The following HPSE2 variants were observed in gnomAD, a reference collection of about 807,000 sequenced individuals.
HPSE2 encodes inactive heparanase-2.
In HPSE2, 38 loss-of-function variants were observed where a neutral mutation model predicts 60.5. The observed-to-expected ratio is 0.63, with a 90% CI of 0.48 to 0.82. The LOEUF (loss-of-function observed/expected upper bound fraction) is 0.82. Ranked by LOEUF, HPSE2 falls within the 40% of genes least tolerant of loss-of-function variation. The probability of loss-of-function intolerance (pLI) is 0.00; values close to 1 mark genes in which losing one functional copy is unlikely to be tolerated. For synonymous variants in HPSE2, 295 were observed against 293.2 expected (o/e 1.01, Z -0.06); for missense variants, 713 against 740.4 (o/e 0.96, Z 0.43).
intron 3 of HPSE2, among the ~76,000 whole-genome samples, chr10:98,826,494 C>T (rs1163980540): frequency 6.6e-6 from 1 of 152,122 alleles, no homozygotes; most frequent in Non-Finnish European, 1.5e-5. Context: ...TATATATCTC[C>T]TGTCCTTGAA....
chr10:98,835,536 A>G (rs1001248182), intron 3 of HPSE2, among the ~76,000 whole-genome samples: 3 of 152,184 alleles, frequency 2.0e-5, no homozygotes, highest in African/African-American at 4.8e-5. Context: ...GATTTAAAAA[A>G]TTCTCTTGAC....
At chr10:98,812,440 A>C (rs552776336) in intron 3 of HPSE2, among the ~76,000 whole-genome samples, 11 of 152,134 alleles carry the variant, frequency 7.2e-5, no homozygotes, top group Non-Finnish European at 1.6e-4. Context: ...TGAGACTTCA[A>C]CCATTTTAGC....
At chr10:98,815,370 G>T (rs1185249665) in intron 3 of HPSE2, among the ~76,000 whole-genome samples, 1 of 152,198 alleles carries the variant, frequency 6.6e-6, no homozygotes, top group African/African-American at 2.4e-5. Context: ...CCTAATTGAG[G>T]TTAGCTGTCT....
intron 2 of HPSE2, among the ~76,000 whole-genome samples, chr10:99,202,136 A>C (rs1848595713): frequency 6.6e-6 from 1 of 152,268 alleles, no homozygotes; most frequent in Non-Finnish European, 1.5e-5. Context: ...GATATAGATA[A>C]TATAGATATA....
At chr10:98,833,910 T>C (rs925877910) in intron 3 of HPSE2, among the ~76,000 whole-genome samples, 2 of 152,124 alleles carry the variant, frequency 1.3e-5, no homozygotes, top group African/African-American at 4.8e-5. Flanking sequence ...GAAGGAGGTA[T>C]GCCTAACATG....
chr10:98,693,695 T>C (rs539976833), intron 6 of HPSE2, among the ~76,000 whole-genome samples: 74 of 152,346 alleles, frequency 4.9e-4, no homozygotes, highest in African/African-American at 1.6e-3. Context: ...GTTGTTTTCT[T>C]AAATTTTTCT....
chr10:99,163,128 A>G (rs1846911313), intron 2 of HPSE2, among the ~76,000 whole-genome samples: 1 of 151,752 alleles, frequency 6.6e-6, no homozygotes, highest in Non-Finnish European at 1.5e-5. Flanking sequence ...GGAGAATGGC[A>G]TGAACCCAGG....
intron 6 of HPSE2, among the ~76,000 whole-genome samples, chr10:98,659,780 T>C (rs1947175726): frequency 1.3e-5 from 2 of 152,020 alleles, no homozygotes; most frequent in Admixed American, 1.3e-4. Context: ...TTTGAACAAA[T>C]TTCCACATGA....
chr10:98,835,904 A>G (rs1322516412), intron 3 of HPSE2, among the ~76,000 whole-genome samples: 2 of 152,142 alleles, frequency 1.3e-5, no homozygotes, highest in Non-Finnish European at 2.9e-5. Context: ...TAGACCCCCA[A>G]CAAATCAAAC....
intron 2 of HPSE2, among the ~76,000 whole-genome samples, chr10:99,192,962 GGTAATA>G (rs1338797783): frequency 6.6e-6 from 1 of 152,042 alleles, no homozygotes; most frequent in East Asian, 1.9e-4. Flanking sequence ...AAAACTCACT[GGTAATA>G]GTAAGTGTGC....
At chr10:98,861,380 T>C (rs1405992944) in intron 3 of HPSE2, among the ~76,000 whole-genome samples, 2 of 152,158 alleles carry the variant, frequency 1.3e-5, no homozygotes, top group African/African-American at 2.4e-5. Flanking sequence ...CAAATTATAA[T>C]ATAAAATCAA....
In HPSE2 at chr10:98,623,521, G is replaced by A. The variant is rs74154336; in HGVS notation, c.1099-2813C>T. Reference sequence around the variant, plus strand: ...GAATTATATCTCAGTAAATAAATACGTGTAAAAGAACACATTAACAAAAGG... The same window carrying A: ...GAATTATATCTCAGTAAATAAATACATGTAAAAGAACACATTAACAAAAGG... On this transcript the variant is annotated intron_variant, in intron 7 of 11. Transcript: ENST00000370552. Among the ~76,000 whole-genome samples, 329 of 152,164 alleles carry A rather than the reference G, an allele frequency of 2.2e-3. 3 individuals are homozygous for A. The highest frequency in any genetic ancestry group is 7.5e-3 in the African/African-American group (313 of 41,534).
intron 6 of HPSE2, among the ~76,000 whole-genome samples, chr10:98,690,441 T>C (rs1173489542): frequency 1.3e-5 from 2 of 152,122 alleles, no homozygotes; most frequent in African/African-American, 4.8e-5. Context: ...CTCGGGAGGC[T>C]GAGGCAGGAG....
At chr10:98,818,332 C>T (rs926144947) in intron 3 of HPSE2, among the ~76,000 whole-genome samples, 1 of 152,128 alleles carries the variant, frequency 6.6e-6, no homozygotes, top group Non-Finnish European at 1.5e-5. Context: ...TGTTCCACCT[C>T]CAATCGGTAG....
At chr10:99,002,294 T>C (rs1185706100) in intron 3 of HPSE2, among the ~76,000 whole-genome samples, 3 of 152,126 alleles carry the variant, frequency 2.0e-5, no homozygotes, top group African/African-American at 4.8e-5. Context: ...TCCATCCTCA[T>C]GGAGGTGGAG....
chr10:98,526,675 G>A (rs1366378183), intron 9 of HPSE2, among the ~76,000 whole-genome samples: 3 of 152,178 alleles, frequency 2.0e-5, no homozygotes, highest in Non-Finnish European at 4.4e-5. Flanking sequence ...ATGGGACGAA[G>A]GACGGGTTAG....
intron 6 of HPSE2, among the ~76,000 whole-genome samples, chr10:98,652,077 A>G (rs762042966): frequency 6.6e-6 from 1 of 152,158 alleles, no homozygotes; most frequent in Non-Finnish European, 1.5e-5. Flanking sequence ...GGCCAGAAAT[A>G]GTTCCATTTT....
chr10:98,745,795 G>C (rs17110771), intron 3 of HPSE2, among the ~76,000 whole-genome samples: 4,396 of 152,238 alleles, frequency 0.029, 140 homozygotes, highest in African/African-American at 0.077. Context: ...AGCCGTTAAA[G>C]CTAATGCAGA....
At chr10:98,614,495 T>C (rs1208255772) in intron 9 of HPSE2, among the ~76,000 whole-genome samples, 1 of 152,024 alleles carries the variant, frequency 6.6e-6, no homozygotes, top group African/African-American at 2.4e-5. Context: ...GGTTTCACCA[T>C]GTTAGCCAGG....
Sources: gnomAD v4.1 joint callset for allele counts (sites outside exome capture counted in the v4.1 genomes callset) on GRCh38, gnomAD v4.1.1 for gene constraint, MANE v1.5 for transcripts, NCBI Gene and HGNC (gene_info 2026-07-23, HGNC 2026-07-21) for gene names.